The following GPC3 variants were observed in gnomAD, a reference collection of about 807,000 sequenced individuals.
GPC3 encodes glypican-3.
GPC3 carries 3 observed loss-of-function variants against 34.4 expected under a neutral mutation model. The ratio of observed to expected loss-of-function variants is 0.09; its 90% CI spans 0.04 to 0.23. The LOEUF is 0.23. GPC3 is among the 10% of genes least tolerant of loss of function. The pLI is 1.00. For synonymous variants in GPC3, 177 were observed against 174.0 expected (o/e 1.02, Z -0.13); for missense variants, 351 against 445.6 (o/e 0.79, Z 1.91).
At chrX:133,858,724 T>C (rs1187539290) in intron 2 of GPC3, among the ~76,000 whole-genome samples, 15 of 110,219 alleles carry the variant, frequency 1.4e-4, no homozygotes, top group Admixed American at 1.4e-3. Context: ...GGTTGGGGGG[T>C]GGGGAATCAT....
chrX:133,669,520 G>T (rs750145261), intron 5 of GPC3, among the ~76,000 whole-genome samples: 1 of 112,044 alleles, frequency 8.9e-6, no homozygotes, highest in Non-Finnish European at 1.9e-5. Flanking sequence ...CGTGGTTCAC[G>T]ACAGGCCTTG....
At chrX:133,717,022 G>A (rs113713983) in intron 3 of GPC3, among the ~76,000 whole-genome samples, 1,717 of 110,560 alleles carry the variant, frequency 0.016, 30 homozygotes, top group African/African-American at 0.053. Flanking sequence ...GGGCAGTGGC[G>A]TGATCTCAAC....
At chrX:133,637,324 C>A (rs778004079) in intron 6 of GPC3, among the ~76,000 whole-genome samples, 1 of 109,874 alleles carries the variant, frequency 9.1e-6, no homozygotes, top group Non-Finnish European at 1.9e-5. Flanking sequence ...AAAAATTAGC[C>A]GGAAATCGCT....
chrX:133,630,529 G>A (rs1485878309), intron 6 of GPC3, among the ~76,000 whole-genome samples: 4 of 111,980 alleles, frequency 3.6e-5, no homozygotes, highest in African/African-American at 9.7e-5. Context: ...TGGAATGACT[G>A]GATGCCTTAA....
chrX:133,682,383 ACT>A (rs1177933505), intron 5 of GPC3, among the ~76,000 whole-genome samples: 1 of 111,597 alleles, frequency 9.0e-6, no homozygotes, highest in Non-Finnish European at 1.9e-5. Flanking sequence ...GTTCCCAAAG[ACT>A]CACATTATTT....
intron 5 of GPC3, among the ~76,000 whole-genome samples, chrX:133,686,117 A>G (rs1333386794): frequency 8.9e-6 from 1 of 111,912 alleles, no homozygotes; most frequent in African/African-American, 3.2e-5. Flanking sequence ...GGGAAATATA[A>G]ACCCCTATGG....
chrX:133,649,268 A>ATATGTG (rs763253345), intron 6 of GPC3, among the ~76,000 whole-genome samples: 4 of 104,100 alleles, frequency 3.8e-5, no homozygotes, highest in African/African-American at 1.4e-4. Context: ...ATATATATAT[A>ATATGTG]TGTGTGTGTG....
chrX:133,840,890 G>T (rs1361430246), intron 2 of GPC3, among the ~76,000 whole-genome samples: 1 of 110,837 alleles, frequency 9.0e-6, no homozygotes, highest in Non-Finnish European at 1.9e-5. Context: ...GCAGTATTGG[G>T]CATTGAGACT....
intron 2 of GPC3, among the ~76,000 whole-genome samples, chrX:133,771,034 T>C (rs1467832612): frequency 9.0e-6 from 1 of 111,431 alleles, no homozygotes; most frequent in Non-Finnish European, 1.9e-5. Context: ...TCAATCCATC[T>C]GTGGAAAAGG....
chrX:133,782,014 GACCTCT>G (rs1480496022), intron 2 of GPC3, among the ~76,000 whole-genome samples: 4 of 111,704 alleles, frequency 3.6e-5, no homozygotes, highest in African/African-American at 1.3e-4. Context: ...CATTTGCAAA[GACCTCT>G]ACAAATCATG....
At chrX:133,773,576 A>G (rs1188752071) in intron 2 of GPC3, among the ~76,000 whole-genome samples, 1 of 111,950 alleles carries the variant, frequency 8.9e-6, no homozygotes, top group African/African-American at 3.2e-5. Context: ...GCTCTTGAAC[A>G]CTAGTGACAG....
At chrX:133,711,366 T>C (rs969183524) in intron 3 of GPC3, among the ~76,000 whole-genome samples, 2 of 112,115 alleles carry the variant, frequency 1.8e-5, no homozygotes, top group African/African-American at 6.5e-5. Flanking sequence ...TCTCAAAGCA[T>C]GGTCCTAAAA....
intron 2 of GPC3, among the ~76,000 whole-genome samples, chrX:133,910,726 C>A (rs989337288): frequency 8.9e-6 from 1 of 112,102 alleles, no homozygotes; most frequent in Non-Finnish European, 1.9e-5. Context: ...CATTGACTAC[C>A]AATTTATGGG....
chrX:133,859,006 G>T (rs1003833974), intron 2 of GPC3, among the ~76,000 whole-genome samples: 1 of 107,525 alleles, frequency 9.3e-6, no homozygotes, highest in African/African-American at 3.4e-5. Context: ...GCGTGAACCC[G>T]GGAAGCGGAG....
intron 3 of GPC3, among the ~76,000 whole-genome samples, chrX:133,733,586 C>T (rs1332038519): frequency 1.8e-5 from 2 of 111,087 alleles, no homozygotes; most frequent in East Asian, 2.8e-4. Flanking sequence ...TAGAGAAACA[C>T]TGACAAAATC....
In GPC3 at chrX:133,536,065, C is replaced by T; in HGVS notation, c.*59G>A. On this transcript the variant is annotated 3_prime_UTR_variant, in exon 8 of 8. Transcript: ENST00000370818. ...TAGAAAAAAATAAGAAAGTGGTTCCCTTTATCGAGGAAGACCACAGGGTGC... is the reference window on the plus strand; with the variant it reads ...TAGAAAAAAATAAGAAAGTGGTTCCTTTTATCGAGGAAGACCACAGGGTGC... 1 of 948,275 alleles carries T rather than the reference C, an allele frequency of 1.1e-6. No individual in the cohort carries two copies. Among genetic ancestry groups the T allele is most frequent in the South Asian group, 2.0e-5 (1 of 49,839 alleles). 78.1% of individuals were successfully genotyped at this position (948,275 alleles called of 1,213,427 possible). A position where few individuals can be genotyped will look rare whatever the true frequency, so the allele number is the denominator to read the frequency against.
Position 133,681,500 on chromosome X carries a change from T to C in GPC3, c.1292+10869A>G, listed in dbSNP as rs776950967. ...AGTATAGGAAGAAAGAGCAAAAAAA[T>C]AGGAGAGCTAAATTTCTTTCAAAGA... On this transcript the variant is annotated intron_variant, in intron 5 of 7. Transcript: ENST00000370818. 4.5e-5 allele frequency among the ~76,000 whole-genome samples: 5 copies of C among 111,719 alleles called. 1 individual carries two copies. Among genetic ancestry groups the C allele is most frequent in the Non-Finnish European group, 7.5e-5 (4 of 53,114 alleles).
At chrX:133,593,354 T>TAAAAAAAAAAAAAAAAAA (rs1186766438) in intron 7 of GPC3, among the ~76,000 whole-genome samples, 1 of 47,715 alleles carries the variant, frequency 2.1e-5, no homozygotes, top group Non-Finnish European at 3.9e-5. Context: ...AAAAAAAAAG[T>TAAAAAAAAAAAAAAAAAA]AAAAAAAAAA....
At chrX:133,596,822 AC>A (rs1356192163) in intron 6 of GPC3, among the ~76,000 whole-genome samples, 2 of 111,715 alleles carry the variant, frequency 1.8e-5, no homozygotes, top group Non-Finnish European at 3.8e-5. Context: ...CCTTGACTCT[AC>A]TTACATCATG....
Sources: gnomAD v4.1 joint callset for allele counts (sites outside exome capture counted in the v4.1 genomes callset) on GRCh38, gnomAD v4.1.1 for gene constraint, MANE v1.5 for transcripts, NCBI Gene and HGNC (gene_info 2026-07-23, HGNC 2026-07-21) for gene names.